The following CYP2F1 variants were observed in gnomAD, a reference collection of about 807,000 sequenced individuals.
The protein encoded by CYP2F1 is cytochrome P450 2F1.
CYP2F1 carries 33 observed loss-of-function variants against 40.4 expected under a neutral mutation model. The ratio of observed to expected loss-of-function variants is 0.82; its 90% CI spans 0.62 to 1.09. The LOEUF is 1.09. Ranked by LOEUF, CYP2F1 falls within the 50% of genes least tolerant of loss-of-function variation. The probability of loss-of-function intolerance (pLI) is 0.00; values close to 1 mark genes in which losing one functional copy is unlikely to be tolerated. For synonymous variants in CYP2F1, 235 were observed against 277.2 expected (o/e 0.85, Z 1.51); for missense variants, 566 against 655.7 (o/e 0.86, Z 1.49).
rs73545063 is a variant in CYP2F1 at position 41,124,804 on chromosome 19, C to T, written c.1050C>T (p.Asp350=). The T allele has an allele frequency of 0.024, 38,336 of 1,611,234 alleles. 1,731 individuals are homozygous for T. The highest frequency in any genetic ancestry group is 0.19 in the African/African-American group (14,127 of 74,976). The change falls in exon 8 of 10, where the codon GAC becomes GAT. Residue 350 remains aspartate, a synonymous_variant. Coordinates refer to ENST00000331105, the MANE Select transcript of CYP2F1 (RefSeq NM_000774.5). ...ACCGCGCGGCCATGCCTTACACAGA[C>T]GCGGTGATCCACGAGGTGCAGCGCT... ...LKDRAAMPYT[D]AVIHEVQRFA...
At chr19:41,114,789 T>TCTC (rs368628785) in intron 1 of CYP2F1, among the ~76,000 whole-genome samples, 1 of 82,518 alleles carries the variant, frequency 1.2e-5, no homozygotes, top group Non-Finnish European at 2.3e-5. Context: ...TCTCTCTCTC[T>TCTC]TTTTTTTTTT....
rs1480316004 is a variant in CYP2F1, at chr19:41,125,123, C to T, written c.1152+217C>T. 5 of 572,838 alleles carry T rather than the reference C, an allele frequency of 8.7e-6. No individual in the cohort carries two copies. In the African/African-American group the frequency reaches 9.4e-5, roughly 11 times the overall value. 35.5% of individuals were successfully genotyped at this position (572,838 alleles called of 1,614,324 possible). On this transcript the variant is annotated intron_variant, in intron 8 of 9. Transcript: ENST00000331105. ...TATCATAGTGGACTAGACCCCTTCACCATGACAAATCCCCTTCCTAGAACC... is the reference window on the plus strand; with the variant it reads ...TATCATAGTGGACTAGACCCCTTCATCATGACAAATCCCCTTCCTAGAACC...
intron 3 of CYP2F1, among the ~76,000 whole-genome samples, chr19:41,117,183 T>C (rs903309950): frequency 7.9e-5 from 12 of 151,878 alleles, no homozygotes; most frequent in African/African-American, 2.9e-4. Context: ...CAGGCCGGAG[T>C]GAAGTGGCAC....
intron 4 of CYP2F1, 99 bp from the exon 5 acceptor site, chr19:41,121,359 T>C: frequency 8.1e-7 from 1 of 1,230,902 alleles, no homozygotes; most frequent in Non-Finnish European, 1.1e-6. Flanking sequence ...CACGTTGCCA[T>C]GGTTGAGTCG....
intron 8 of CYP2F1, 37 bp downstream of exon 8, chr19:41,124,943 A>G: frequency 6.4e-7 from 1 of 1,556,214 alleles, no homozygotes; most frequent in Non-Finnish European, 8.7e-7. Flanking sequence ...AGGCAACCTA[A>G]GAGGAGGCAT....
intron 7 of CYP2F1, among the ~76,000 whole-genome samples, chr19:41,124,255 C>CCCCCTTT (rs1568381420): frequency 2.8e-5 from 1 of 35,252 alleles, no homozygotes; most frequent in African/African-American, 1.2e-4. Context: ...TCCCCCCCCC[C>CCCCCTTT]TTTTTTTTTT....
At chr19:41,118,395 G>A (rs1354310681) in intron 3 of CYP2F1, among the ~76,000 whole-genome samples, 1 of 152,186 alleles carries the variant, frequency 6.6e-6, no homozygotes, top group African/African-American at 2.4e-5. Flanking sequence ...CACCTCCAAA[G>A]AATGTCTAGG....
At chr19:41,122,515 TAC>T (rs1189813253) in intron 6 of CYP2F1, among the ~76,000 whole-genome samples, 8 of 151,178 alleles carry the variant, frequency 5.3e-5, no homozygotes, top group Non-Finnish European at 7.4e-5. Context: ...CATACATACA[TAC>T]ACACACACAT....
At position 41,114,475 on chromosome 19, in the gene CYP2F1, T is replaced by C. The variant is rs1289826640; in HGVS notation, c.-29T>C. On this transcript the variant is annotated 5_prime_UTR_variant, in exon 1 of 10. Transcript: ENST00000331105. Reference sequence around the variant, plus strand: ...AGGCTCTAGCGCATCCCAGCCAGTGTCTCCTGCAGCTCAGCAGGTAAAGGG... The same window carrying C: ...AGGCTCTAGCGCATCCCAGCCAGTGCCTCCTGCAGCTCAGCAGGTAAAGGG... 2.6e-5 allele frequency: 4 copies of C among 152,088 alleles called. No homozygotes were observed. Among genetic ancestry groups the C allele is most frequent in the African/African-American group, 7.2e-5 (3 of 41,406 alleles). The allele number at this position is 152,088 out of a possible 1,614,324, so 9.4% of individuals were successfully genotyped here.
At position 41,116,582 on chromosome 19, in the gene CYP2F1, A is replaced by G; in HGVS notation, c.299A>G (p.Asp100Gly). 6.2e-7 allele frequency: 1 copy of G among 1,613,970 alleles called. No homozygotes were observed. Among genetic ancestry groups the G allele is most frequent in the Non-Finnish European group, 8.5e-7 (1 of 1,179,960 alleles). Residue 100 changes from aspartate (D) to glycine (G), a missense_variant, in exon 3 of 10, where the codon GAC becomes GGC. Asp to Gly is a moderately conservative substitution (Grantham distance 94). Coordinates refer to ENST00000331105, the MANE Select transcript of CYP2F1 (RefSeq NM_000774.5). Reference protein sequence around the residue: ...DQGEEFSGRGDYPAFFNFTKG... With the variant: ...DQGEEFSGRGGYPAFFNFTKG... ...GGAGAGGAGTTTAGTGGCCGCGGTGACTACCCTGCCTTTTTCAACTTTACC... is the reference window on the plus strand; with the variant it reads ...GGAGAGGAGTTTAGTGGCCGCGGTGGCTACCCTGCCTTTTTCAACTTTACC...
intron 7 of CYP2F1, chr19:41,123,337 G>C (rs1204016979): frequency 2.7e-6 from 1 of 370,844 alleles, no homozygotes; most frequent in Non-Finnish European, 5.4e-6. Context: ...AAGTAGCTGG[G>C]ATTACAGCCT....
intron 1 of CYP2F1, among the ~76,000 whole-genome samples, chr19:41,114,916 C>G (rs1462551691): frequency 6.6e-6 from 1 of 151,028 alleles, no homozygotes; most frequent in Admixed American, 6.6e-5. Flanking sequence ...ATTACAGGTG[C>G]CTAACACCAC....
intron 9 of CYP2F1, among the ~76,000 whole-genome samples, chr19:41,127,580 T>C (rs1229203241): frequency 6.6e-6 from 1 of 152,088 alleles, no homozygotes; most frequent in Admixed American, 6.6e-5. Flanking sequence ...GGGATCCTCT[T>C]CCCTCGGCCT....
At position 41,116,169 on chromosome 19, in the gene CYP2F1, C is replaced by T. The variant is rs766448160; in HGVS notation, c.-11-9C>T. On this transcript the variant is annotated splice_polypyrimidine_tract_variant and intron_variant, in intron 1 of 9. Transcript: ENST00000331105. ...GTCCTCTCCCACTTTGCCCTCCACA[C>T]GCCAGCAGCTGCCTTCACCATGGAC... 1.5e-5 allele frequency: 24 copies of T among 1,605,824 alleles called. No homozygotes were observed. In the Middle Eastern group the frequency reaches 5.0e-4, roughly 33 times the overall value.
At position 41,121,558 on chromosome 19, in the gene CYP2F1, G is replaced by A; in HGVS notation, c.585G>A (p.Leu195=). The change falls in exon 5 of 10, where the codon CTG becomes CTA. Residue 195 remains leucine (L), a synonymous_variant. Transcript: ENST00000331105. The part of the protein sequence containing the change: ...GSRFDYDDER[L]LTIIRLINDN... The stretch of plus-strand genomic sequence containing the variant: ...GCTTCGACTATGATGATGAGCGTCT[G>A]CTCACCATTATCCGCCTTATCAATG... The A allele has an allele frequency of 1.2e-6, 2 of 1,610,172 alleles. No individual in the cohort carries two copies. Among genetic ancestry groups the A allele is most frequent in the Non-Finnish European group, 1.7e-6 (2 of 1,179,678 alleles).
At chr19:41,115,118 G>A (rs2031716839) in intron 1 of CYP2F1, among the ~76,000 whole-genome samples, 1 of 151,200 alleles carries the variant, frequency 6.6e-6, no homozygotes, top group East Asian at 1.9e-4. Context: ...TCTTTGTGTG[G>A]CTCTAATATT....
rs571508288 is a variant in CYP2F1 at position 41,122,816 on chromosome 19, A to C, written c.823-6A>C. On this transcript the variant is annotated splice_polypyrimidine_tract_variant and splice_region_variant and intron_variant, in intron 6 of 9. Transcript: ENST00000331105. Reference sequence around the variant, plus strand: ...GGCTCACATCCCCACCCCTCTACCAATGCAGGAGAAGGAGGACCCACTGAG... The same window carrying C: ...GGCTCACATCCCCACCCCTCTACCACTGCAGGAGAAGGAGGACCCACTGAG... 71 of 1,530,186 alleles carry C rather than the reference A, an allele frequency of 4.6e-5. No homozygotes were observed. In the South Asian group the frequency reaches 8.3e-4, roughly 18 times the overall value. The allele number at this position is 1,530,186 out of a possible 1,614,324, so 94.8% of individuals were successfully genotyped here.
intron 5 of CYP2F1, 48 bp downstream of exon 5, chr19:41,121,666 C>G (rs560157701): frequency 1.3e-6 from 2 of 1,533,252 alleles, no homozygotes; most frequent in African/African-American, 1.5e-5. Context: ...TCCGCAGGAT[C>G]TAGGAATGGA....
intron 7 of CYP2F1, among the ~76,000 whole-genome samples, chr19:41,124,248 C>CG (rs1229378509): frequency 5.9e-5 from 6 of 101,714 alleles, no homozygotes; most frequent in African/African-American, 2.0e-4. Flanking sequence ...TTCCTCTTCC[C>CG]CCCCCCCTTT....
Sources: gnomAD v4.1 joint callset for allele counts (sites outside exome capture counted in the v4.1 genomes callset) on GRCh38, gnomAD v4.1.1 for gene constraint, MANE v1.5 for transcripts, NCBI Gene and HGNC (gene_info 2026-07-23, HGNC 2026-07-21) for gene names.